Variants in OPCML observed in about 807,000 individuals in gnomAD.
The protein encoded by OPCML is opioid binding protein/cell adhesion molecule like.
In OPCML, 13 loss-of-function variants were observed where a neutral mutation model predicts 37.8. The observed-to-expected ratio is 0.34, with a 90% CI of 0.22 to 0.55. The LOEUF is 0.55. OPCML is among the 20% of genes least tolerant of loss of function. The probability of loss-of-function intolerance (pLI) is 0.91; values close to 1 mark genes in which losing one functional copy is unlikely to be tolerated. For missense variants in OPCML, 341 were observed against 435.6 expected, an observed-to-expected ratio of 0.78 and a Z score of 1.93; for synonymous variants, 176 against 168.8, an observed-to-expected ratio of 1.04 and a Z score of -0.33.
chr11:132,423,769 T>C (rs1017050792), intron 7 of OPCML, among the ~76,000 whole-genome samples: 12 of 152,140 alleles, frequency 7.9e-5, no homozygotes, highest in Non-Finnish European at 1.3e-4. Context: ...GGGGCTCACG[T>C]TTGGTCCCAT....
At chr11:133,264,412 A>G (rs1941590194) in intron 1 of OPCML, among the ~76,000 whole-genome samples, 1 of 152,228 alleles carries the variant, frequency 6.6e-6, no homozygotes, top group Non-Finnish European at 1.5e-5. Context: ...TCAAGAGGGA[A>G]GTGTTCAGAA....
At chr11:132,684,582 G>T (rs530002217) in intron 2 of OPCML, among the ~76,000 whole-genome samples, 4 of 152,238 alleles carry the variant, frequency 2.6e-5, no homozygotes, top group South Asian at 2.1e-4. Context: ...AGGACAAAAG[G>T]TTCCTAATCC....
intron 2 of OPCML, among the ~76,000 whole-genome samples, chr11:132,662,381 CT>C (rs983159379): frequency 7.5e-6 from 1 of 133,990 alleles, no homozygotes; most frequent in Non-Finnish European, 1.6e-5. Flanking sequence ...GTGTTCTTTA[CT>C]TTTGTTTTTA....
intron 3 of OPCML, among the ~76,000 whole-genome samples, chr11:132,573,486 C>T (rs1433221366): frequency 6.6e-6 from 1 of 151,944 alleles, no homozygotes; most frequent in African/African-American, 2.4e-5. Context: ...TTTTGTCCAA[C>T]ACATTCTCGG....
At chr11:132,759,771 G>T (rs1191852356) in intron 2 of OPCML, among the ~76,000 whole-genome samples, 3 of 151,864 alleles carry the variant, frequency 2.0e-5, no homozygotes, top group African/African-American at 7.3e-5. Flanking sequence ...TTGATTTTTT[G>T]AAGGGTTTTT....
chr11:132,790,848 T>C (rs879819831), intron 2 of OPCML, among the ~76,000 whole-genome samples: 15 of 152,094 alleles, frequency 9.9e-5, no homozygotes, highest in Admixed American at 4.6e-4. Context: ...AAGAACAATA[T>C]CATCCACCAT....
chr11:132,494,273 T>G (rs549395131), intron 4 of OPCML, among the ~76,000 whole-genome samples: 4 of 152,250 alleles, frequency 2.6e-5, no homozygotes, highest in Non-Finnish European at 5.9e-5. Context: ...CTGCTGCTAC[T>G]TATAATAAAA....
chr11:132,907,161 C>T (rs1481749083), intron 2 of OPCML, among the ~76,000 whole-genome samples: 1 of 152,110 alleles, frequency 6.6e-6, no homozygotes, highest in African/African-American at 2.4e-5. Flanking sequence ...TCACTGACTC[C>T]CAACAGGGGG....
chr11:132,508,469 A>AG (rs398115987), intron 4 of OPCML, among the ~76,000 whole-genome samples: 1 of 151,762 alleles, frequency 6.6e-6, no homozygotes, highest in Non-Finnish European at 1.5e-5. Flanking sequence ...GCCAAAAAAA[A>AG]CATTGGACAA....
chr11:133,197,933 T>A (rs1938601370), intron 1 of OPCML, among the ~76,000 whole-genome samples: 1 of 152,188 alleles, frequency 6.6e-6, no homozygotes, highest in Non-Finnish European at 1.5e-5. Context: ...GACACTAAAA[T>A]GCCTTCCTCC....
chr11:132,758,441 G>A (rs1946139070), intron 2 of OPCML, among the ~76,000 whole-genome samples: 1 of 152,144 alleles, frequency 6.6e-6, no homozygotes, highest in Non-Finnish European at 1.5e-5. Context: ...CATGAGCATG[G>A]AATGATTTTC....
intron 1 of OPCML, among the ~76,000 whole-genome samples, chr11:132,964,633 C>A (rs985588879): frequency 6.6e-6 from 1 of 152,078 alleles, no homozygotes; most frequent in Non-Finnish European, 1.5e-5. Flanking sequence ...TACATCCTAC[C>A]GCTTCCTCCT....
intron 1 of OPCML, among the ~76,000 whole-genome samples, chr11:133,115,966 T>A (rs971134431): frequency 7.9e-6 from 1 of 126,380 alleles, no homozygotes; most frequent in Non-Finnish European, 1.7e-5. Context: ...AAGGACATTA[T>A]TATTAATATA....
At chr11:133,513,814 T>C (rs1027201412) in intron 1 of OPCML, among the ~76,000 whole-genome samples, 1 of 152,184 alleles carries the variant, frequency 6.6e-6, no homozygotes, top group African/African-American at 2.4e-5. Context: ...CTAAACTAAA[T>C]TTGGCATTTA....
chr11:133,059,047 C>T (rs1425169672), intron 1 of OPCML, among the ~76,000 whole-genome samples: 1 of 152,200 alleles, frequency 6.6e-6, no homozygotes, highest in Non-Finnish European at 1.5e-5. Flanking sequence ...GTCATTGAAA[C>T]AAATCAAATT....
intron 2 of OPCML, among the ~76,000 whole-genome samples, chr11:132,751,459 C>G (rs1183240320): frequency 6.6e-6 from 1 of 152,184 alleles, no homozygotes; most frequent in African/African-American, 2.4e-5. Context: ...AGATTTCAGT[C>G]AAATACTAAA....
chr11:132,952,186 A>G (rs1278735919), intron 1 of OPCML, among the ~76,000 whole-genome samples: 1 of 152,182 alleles, frequency 6.6e-6, no homozygotes, highest in African/African-American at 2.4e-5. Context: ...GTGGCCGAGA[A>G]GACATGGTGG....
intron 2 of OPCML, among the ~76,000 whole-genome samples, chr11:132,902,144 G>A (rs1242623228): frequency 6.6e-6 from 1 of 152,132 alleles, no homozygotes; most frequent in Non-Finnish European, 1.5e-5. Context: ...TCAAGCTCGG[G>A]GTCCAGGAAT....
intron 1 of OPCML, among the ~76,000 whole-genome samples, chr11:133,284,955 G>A (rs1942257697): frequency 6.6e-6 from 1 of 152,202 alleles, no homozygotes; most frequent in Middle Eastern, 3.4e-3. Context: ...TCTGGGGGCA[G>A]TGGGGGTGGG....
Sources: allele counts gnomAD v4.1 joint callset (sites outside exome capture counted in the v4.1 genomes callset), GRCh38; gene constraint gnomAD v4.1.1; transcripts MANE v1.5; gene names NCBI Gene and HGNC (gene_info 2026-07-23, HGNC 2026-07-21).